The following MAML2 variants were observed in gnomAD, a reference collection of about 807,000 sequenced individuals.
MAML2 encodes mastermind-like protein 2.
A neutral mutation model predicts 96.1 loss-of-function variants in MAML2; 22 were observed. The observed-to-expected ratio is 0.23, with a 90% CI of 0.16 to 0.33. MAML2 has a LOEUF of 0.33. MAML2 is among the 10% of genes least tolerant of loss of function. The pLI is 1.00. For synonymous variants in MAML2, 561 were observed against 521.3 expected (o/e 1.08, Z -1.04); for missense variants, 1,367 against 1,392.4 (o/e 0.98, Z 0.29).
chr11:95,980,858 G>A (rs1158282851), intron 4 of MAML2, among the ~76,000 whole-genome samples: 2 of 152,186 alleles, frequency 1.3e-5, no homozygotes, highest in East Asian at 1.9e-4. Flanking sequence ...AGAGACCCAG[G>A]AGGCAGACAA....
rs1315655002 is a variant in MAML2 at position 95,978,955 on chromosome 11, T to G, written c.3464A>C (p.Asn1155Thr). 1 of 1,604,734 alleles carries G rather than the reference T, an allele frequency of 6.2e-7. No homozygotes were observed. Among genetic ancestry groups the G allele is most frequent in the Non-Finnish European group, 8.5e-7 (1 of 1,175,642 alleles). Residue 1155 changes from asparagine (N) to threonine (T), a missense_variant, in exon 5 of 5, where the codon AAT becomes ACT. Physicochemically the swap from Asn to Thr is moderately conservative, Grantham distance 65. Transcript: ENST00000524717. Reference sequence around the variant, plus strand: ...TTGTCTTCCCTTTCTTCTTTAGGAATTGTTCCCCAAGATTTCATCAAGATT... The same window carrying G: ...TTGTCTTCCCTTTCTTCTTTAGGAAGTGTTCCCCAAGATTTCATCAAGATT... ...DINLDEILGN[N>T]S is the part of the protein sequence containing the mutation.
intron 1 of MAML2, among the ~76,000 whole-genome samples, chr11:96,193,390 G>T (rs1000802178): frequency 6.6e-6 from 1 of 152,116 alleles, no homozygotes; most frequent in African/African-American, 2.4e-5. Context: ...AAAAAAATGT[G>T]TCTGGGGAAT....
At chr11:96,102,187 A>G (rs1032120043) in intron 1 of MAML2, among the ~76,000 whole-genome samples, 18 of 152,160 alleles carry the variant, frequency 1.2e-4, no homozygotes, top group Non-Finnish European at 2.4e-4. Flanking sequence ...GAGGCAGGAA[A>G]ACGGCGTGAA....
At chr11:96,104,847 G>A (rs557032344) in intron 1 of MAML2, among the ~76,000 whole-genome samples, 2 of 152,150 alleles carry the variant, frequency 1.3e-5, no homozygotes, top group East Asian at 3.9e-4. Context: ...GGCAATGAAA[G>A]GGGGAGGGAG....
At chr11:96,006,434 A>C (rs1591087288) in intron 2 of MAML2, among the ~76,000 whole-genome samples, 1 of 152,306 alleles carries the variant, frequency 6.6e-6, no homozygotes, top group East Asian at 1.9e-4. Context: ...TTGTCTGTCT[A>C]CATTGATCAA....
At chr11:96,133,243 A>G (rs1413604871) in intron 1 of MAML2, among the ~76,000 whole-genome samples, 4 of 152,234 alleles carry the variant, frequency 2.6e-5, no homozygotes, top group Non-Finnish European at 4.4e-5. Context: ...TAAAATAAAT[A>G]TATTCCTGTG....
In MAML2 at chr11:96,342,366, A is replaced by G; in HGVS notation, c.-471T>C. ...CCCCCTCACCTAGTTGTTTCCGACA[A>G]TTCTTTATGGGGATGTTTCTGCAGA... On this transcript the variant is annotated 5_prime_UTR_variant, in exon 1 of 5. Transcript: ENST00000524717. 2.5e-6 allele frequency: 1 copy of G among 399,800 alleles called. No individual in the cohort carries two copies. The highest frequency in any genetic ancestry group is 3.6e-5 in the East Asian group (1 of 28,094). The allele number at this position is 399,800 out of a possible 1,614,324, so 24.8% of individuals were successfully genotyped here. A position where few individuals can be genotyped will look rare whatever the true frequency, so the allele number is the denominator to read the frequency against.
chr11:96,079,974 AG>A (rs1859506857), intron 2 of MAML2, among the ~76,000 whole-genome samples: 3 of 152,212 alleles, frequency 2.0e-5, no homozygotes, highest in African/African-American at 7.2e-5. Context: ...TGTTTCACAG[AG>A]CTGTTAGATG....
At chr11:96,337,665 A>G (rs1326372266) in intron 1 of MAML2, among the ~76,000 whole-genome samples, 1 of 152,202 alleles carries the variant, frequency 6.6e-6, no homozygotes, top group East Asian at 1.9e-4. Flanking sequence ...AGTAAATTTG[A>G]AATGCCAATC....
intron 2 of MAML2, among the ~76,000 whole-genome samples, chr11:96,047,144 T>C (rs1009390611): frequency 6.6e-6 from 1 of 152,178 alleles, no homozygotes; most frequent in Non-Finnish European, 1.5e-5. Flanking sequence ...CTGACAGGAG[T>C]ATAGTGTCCA....
chr11:96,280,302 AT>A (rs947868063), intron 1 of MAML2, among the ~76,000 whole-genome samples: 75 of 151,640 alleles, frequency 4.9e-4, no homozygotes, highest in South Asian at 3.3e-3. Context: ...TTATTTACTC[AT>A]TTTTTTTTAA....
At chr11:96,021,263 T>C (rs1163261111) in intron 2 of MAML2, among the ~76,000 whole-genome samples, 1 of 152,228 alleles carries the variant, frequency 6.6e-6, no homozygotes, top group African/African-American at 2.4e-5. Context: ...TGGTCACCAT[T>C]GTATCTACAA....
At position 96,092,709 on chromosome 11, in the gene MAML2, G is replaced by C. The variant is rs1859746486; in HGVS notation, c.1322C>G (p.Ala441Gly). ...CATCCGGGCATGCTGCTGACGATTA[G>C]CAGCTATCTGTTTGAGCTGCTGGGC... ...SHAQQLKQIA[A>G]NRQQHARMQQ... Residue 441 changes from alanine to glycine, a missense_variant, in exon 2 of 5, where the codon GCT (alanine) becomes GGT (glycine). Ala to Gly is a moderately conservative substitution (Grantham distance 60). Transcript: ENST00000524717. The surrounding 1 kb of genome is among the most constrained non-coding windows in gnomAD (Gnocchi z 4.1). The C allele has an allele frequency of 6.2e-7, 1 of 1,613,880 alleles. No individual in the cohort carries two copies. The highest frequency in any genetic ancestry group is 8.5e-7 in the Non-Finnish European group (1 of 1,179,916).
At chr11:96,172,874 T>C (rs1393272239) in intron 1 of MAML2, among the ~76,000 whole-genome samples, 1 of 152,220 alleles carries the variant, frequency 6.6e-6, no homozygotes, top group Non-Finnish European at 1.5e-5. Context: ...TGGAAAAACA[T>C]GAGTAGTTCT....
At chr11:96,201,286 T>G (rs1861818320) in intron 1 of MAML2, among the ~76,000 whole-genome samples, 1 of 151,862 alleles carries the variant, frequency 6.6e-6, no homozygotes, top group Non-Finnish European at 1.5e-5. Context: ...TAGGAGAGAG[T>G]AAGGGGAGGA....
chr11:96,240,156 A>C (rs943368207), intron 1 of MAML2, among the ~76,000 whole-genome samples: 8 of 152,242 alleles, frequency 5.3e-5, no homozygotes, highest in Non-Finnish European at 1.2e-4. Context: ...AATCACCATT[A>C]AAATAAACCA....
intron 1 of MAML2, among the ~76,000 whole-genome samples, chr11:96,247,298 A>G (rs1296593972): frequency 6.6e-6 from 1 of 152,136 alleles, no homozygotes; most frequent in Non-Finnish European, 1.5e-5. Context: ...GACTCTAGAG[A>G]AACAGTTTGG....
chr11:96,204,040 T>C (rs479995), intron 1 of MAML2, among the ~76,000 whole-genome samples: 123,822 of 152,036 alleles, frequency 0.81, 50,669 homozygotes, highest in African/African-American at 0.84. Context: ...CAGGGCTAAC[T>C]ACAGAGATGC....
At chr11:96,028,796 T>G (rs2509102) in intron 2 of MAML2, among the ~76,000 whole-genome samples, 39,107 of 152,098 alleles carry the variant, frequency 0.26, 5,254 homozygotes, top group East Asian at 0.38. Flanking sequence ...TGTCCTTTAT[T>G]GTATCCCTTT....
Sources: gnomAD v4.1 joint callset for allele counts (sites outside exome capture counted in the v4.1 genomes callset) on GRCh38, gnomAD v4.1.1 for gene constraint, Gnocchi (gnomAD v3.1) non-coding constraint, MANE v1.5 for transcripts, NCBI Gene and HGNC (gene_info 2026-07-23, HGNC 2026-07-21) for gene names.